Variants in ZMYM4 observed in about 807,000 individuals in gnomAD.
ZMYM4 encodes zinc finger MYM-type containing 4.
ZMYM4 carries 31 observed loss-of-function variants against 183.2 expected under a neutral mutation model. The observed-to-expected ratio is 0.17, with a 90% CI of 0.13 to 0.23. The LOEUF is 0.23. ZMYM4 is among the 10% of genes least tolerant of loss of function. The probability of loss-of-function intolerance (pLI) is 1.00; values close to 1 mark genes in which losing one functional copy is unlikely to be tolerated. For missense variants in ZMYM4, 1,273 were observed against 1,840.3 expected (o/e 0.69, Z 5.64); for synonymous variants, 592 against 631.2 (o/e 0.94, Z 0.93).
chr1:35,317,575 A>G (rs1642103932), intron 1 of ZMYM4, among the ~76,000 whole-genome samples: 1 of 152,254 alleles, frequency 6.6e-6, no homozygotes. Flanking sequence ...AACTAATTAC[A>G]AGCCAACCGA....
At chr1:35,314,843 G>A (rs1302624683) in intron 1 of ZMYM4, among the ~76,000 whole-genome samples, 2 of 150,794 alleles carry the variant, frequency 1.3e-5, no homozygotes, top group East Asian at 4.0e-4. Flanking sequence ...TGGCCAACAT[G>A]GTGAAACCCT....
chr1:35,289,610 C>G (rs1640662857), intron 1 of ZMYM4, among the ~76,000 whole-genome samples: 1 of 152,162 alleles, frequency 6.6e-6, no homozygotes, highest in African/African-American at 2.4e-5. Flanking sequence ...CAGGGGTTCT[C>G]AACGTTGGCA....
At position 35,268,837 on chromosome 1, in the gene ZMYM4, C is replaced by G. The variant is rs948068422; in HGVS notation, c.-210C>G. ...GCCCCCACCCCGTCCCCGGGCAGGC[C>G]CTCCCGCCCACGCGCGGACCCGTGG... is the stretch of plus-strand genomic sequence containing the variant. On this transcript the variant is annotated 5_prime_UTR_variant, in exon 1 of 30. Coordinates refer to ENST00000314607, the MANE Select transcript of ZMYM4 (RefSeq NM_005095.3). 1 of 432,998 alleles carries G rather than the reference C, an allele frequency of 2.3e-6. No homozygotes were observed. Among genetic ancestry groups the G allele is most frequent in the African/African-American group, 2.1e-5 (1 of 48,196 alleles). The allele number at this position is 432,998 out of a possible 1,614,324, so 26.8% of individuals were successfully genotyped here.
chr1:35,394,492 T>A (rs1480641679), intron 18 of ZMYM4, among the ~76,000 whole-genome samples: 1 of 152,138 alleles, frequency 6.6e-6, no homozygotes, highest in Non-Finnish European at 1.5e-5. Context: ...GTGGCCTCCC[T>A]TTCTTGATGA....
intron 1 of ZMYM4, among the ~76,000 whole-genome samples, chr1:35,284,757 T>C (rs921676873): frequency 1.3e-5 from 2 of 152,230 alleles, no homozygotes; most frequent in Admixed American, 6.5e-5. Context: ...AGCCACTACC[T>C]TGCTCTGTGC....
chr1:35,364,927 T>C (rs1233270058), intron 5 of ZMYM4, among the ~76,000 whole-genome samples: 2 of 152,228 alleles, frequency 1.3e-5, no homozygotes. Flanking sequence ...ATTTCTTCAG[T>C]TATGATATTC....
intron 2 of ZMYM4, among the ~76,000 whole-genome samples, chr1:35,356,911 C>T (rs1643841372): frequency 6.6e-6 from 1 of 152,110 alleles, no homozygotes; most frequent in Non-Finnish European, 1.5e-5. Context: ...CAGGGGGTTG[C>T]CCTGTCACAT....
rs1041769821 is a variant in ZMYM4 at position 35,398,868 on chromosome 1, A to T, written c.3258A>T (p.Gln1086His). 2 of 1,613,800 alleles carry T rather than the reference A, an allele frequency of 1.2e-6. No homozygotes were observed. The highest frequency in any genetic ancestry group is 2.7e-5 in the African/African-American group (2 of 74,920). ...FLDTKIFEKD[Q>H]GSTYSGDLES... The stretch of plus-strand genomic sequence containing the variant: ...ATTGTTATCTATATATTTCAGACCA[A>T]GGAAGTACATACAGTGGTGATCTTG... Residue 1086 changes from glutamine to histidine, a missense_variant, in exon 22 of 30, where the codon CAA becomes CAT. Physicochemically the swap from Gln to His is conservative, Grantham distance 24. Transcript: ENST00000314607.
rs556996648 is a variant in ZMYM4 at position 35,285,871 on chromosome 1, A to G, written c.39+16786A>G. Reference sequence around the variant, plus strand: ...TTCCTTTGTAAAAGCACTTTAATAAACTAGGAAAAGAGGGGAATTTCCTCA... The same window carrying G: ...TTCCTTTGTAAAAGCACTTTAATAAGCTAGGAAAAGAGGGGAATTTCCTCA... On this transcript the variant is annotated intron_variant, in intron 1 of 29. Transcript: ENST00000314607. Among the ~76,000 whole-genome samples the G allele has an allele frequency of 4.6e-5, 7 of 152,328 alleles. No homozygotes were observed. The South Asian group carries it at 1.4e-3, about 32-fold the overall frequency.
Position 35,332,576 on chromosome 1 carries a change from A to G in ZMYM4, c.85+7171A>G, listed in dbSNP as rs185986888. Among the ~76,000 whole-genome samples, 9 of 152,250 alleles carry G rather than the reference A, an allele frequency of 5.9e-5. No individual in the cohort carries two copies. The East Asian group carries it at 1.5e-3, about 26-fold the overall frequency. ...TGTGACTGCTGACTTGAGCACCTGT[A>G]CGTAGTCTGTTACCTTGCCTTCCTC... On this transcript the variant is annotated intron_variant, in intron 2 of 29. Transcript: ENST00000314607.
chr1:35,294,687 C>T (rs1222737273), intron 1 of ZMYM4, among the ~76,000 whole-genome samples: 2 of 151,936 alleles, frequency 1.3e-5, no homozygotes, highest in African/African-American at 4.8e-5. Flanking sequence ...CAATACATAT[C>T]CTATTTGAAT....
At chr1:35,305,622 C>A (rs1641501263) in intron 1 of ZMYM4, among the ~76,000 whole-genome samples, 1 of 151,932 alleles carries the variant, frequency 6.6e-6, no homozygotes, top group African/African-American at 2.4e-5. Flanking sequence ...TAACTTACTG[C>A]CGCCTCGAAC....
At chr1:35,358,751 G>C (rs1643881371) in intron 2 of ZMYM4, 174 bp from the exon 3 acceptor site, 1 of 542,724 alleles carries the variant, frequency 1.8e-6, no homozygotes, top group Non-Finnish European at 3.0e-6. Flanking sequence ...TTCCTTAACT[G>C]TCAGATAGGA....
rs61762977 is a variant in ZMYM4 at position 35,392,238 on chromosome 1, T to A, written c.2614T>A (p.Ser872Thr). The change falls in exon 16 of 30, where the codon TCA (serine) becomes ACA (threonine). Residue 872 changes from serine to threonine, a missense_variant. This residue lies in a region of ZMYM4 where 290 missense variants were observed against 353.3 expected (regional missense o/e 0.82). Transcript: ENST00000314607. ...AANISMVQAA[S>T]AGPPSLRKDS... The stretch of plus-strand genomic sequence containing the variant: ...AAATATTTCCATGGTTCAAGCTGCT[T>A]CAGCAGGACCCCCATCTCTGAGAAA... 7 of 1,614,052 alleles carry A rather than the reference T, an allele frequency of 4.3e-6. No individual in the cohort carries two copies. The highest frequency in any genetic ancestry group is 1.3e-5 in the African/African-American group (1 of 74,910).
intron 1 of ZMYM4, among the ~76,000 whole-genome samples, chr1:35,290,342 G>A (rs1173565451): frequency 1.3e-5 from 2 of 152,190 alleles, no homozygotes; most frequent in Non-Finnish European, 2.9e-5. Context: ...CTTATGCTTA[G>A]CATATTTCTT....
At chr1:35,295,086 T>G (rs1284341265) in intron 1 of ZMYM4, among the ~76,000 whole-genome samples, 5 of 152,256 alleles carry the variant, frequency 3.3e-5, no homozygotes. Context: ...AGAAAATCTC[T>G]GCTCTATGGA....
Position 35,416,959 on chromosome 1 carries a change from GCTTT to G in ZMYM4, c.4309+1248_4309+1251del, listed in dbSNP as rs1312269895. On this transcript the variant is annotated intron_variant, in intron 28 of 29. Coordinates refer to ENST00000314607, the MANE Select transcript of ZMYM4 (RefSeq NM_005095.3). The stretch of plus-strand genomic sequence containing the variant: ...ACATGATTAGTAGTGAATTCAGCTT[GCTTT>G]CTAAGTGAGTAACTAGCAAAGTCTT... Among the ~76,000 whole-genome samples, 7 of 152,144 alleles carry G rather than the reference GCTTT, an allele frequency of 4.6e-5. No homozygotes were observed. The South Asian group carries it at 8.3e-4, about 18-fold the overall frequency.
chr1:35,367,870 G>A (rs1214386842), intron 5 of ZMYM4, among the ~76,000 whole-genome samples: 1 of 152,098 alleles, frequency 6.6e-6, no homozygotes, highest in Non-Finnish European at 1.5e-5. Flanking sequence ...CAGCTACTGG[G>A]GAGGCTGAGG....
intron 22 of ZMYM4, among the ~76,000 whole-genome samples, 161 bp downstream of exon 22, chr1:35,399,204 G>A (rs1484213640): frequency 6.6e-6 from 1 of 152,184 alleles, no homozygotes; most frequent in Non-Finnish European, 1.5e-5. Context: ...CTTTGTAGGT[G>A]TTAATTCGTA....
Sources: allele counts gnomAD v4.1 joint callset (sites outside exome capture counted in the v4.1 genomes callset), GRCh38; gene constraint gnomAD v4.1.1; regional missense constraint gnomAD v4.1.1; transcripts MANE v1.5; gene names NCBI Gene and HGNC (gene_info 2026-07-23, HGNC 2026-07-21).